Variants in FAM131B observed in about 807,000 individuals in gnomAD.
FAM131B encodes protein FAM131B.
In FAM131B, 19 loss-of-function variants were observed where a neutral mutation model predicts 42.0. That is an observed-to-expected ratio of 0.45 (90% CI 0.32 to 0.66). The LOEUF (loss-of-function observed/expected upper bound fraction) is 0.66, where lower values mean the gene tolerates loss of function less well. Among genes scored for constraint, FAM131B ranks in the 30% least tolerant of loss-of-function variants. The probability of loss-of-function intolerance (pLI) is 0.05; values close to 1 mark genes in which losing one functional copy is unlikely to be tolerated. For missense variants in FAM131B, 370 were observed against 468.4 expected, an observed-to-expected ratio of 0.79 and a Z score of 1.94; for synonymous variants, 183 against 177.6, an observed-to-expected ratio of 1.03 and a Z score of -0.24.
At chr7:143,373,348 C>T in the FAM131B span, among the ~76,000 whole-genome samples, 2 of 152,196 alleles carry the variant, frequency 1.3e-5, no homozygotes, top group African/African-American at 4.8e-5. Context: ...CACCACTGCA[C>T]TCCAGCCTGG....
At chr7:143,378,713 A>G in the FAM131B span, among the ~76,000 whole-genome samples, 1 of 151,834 alleles carries the variant, frequency 6.6e-6, no homozygotes, top group African/African-American at 2.4e-5. Context: ...AGTAGCTGGG[A>G]CTACACGCTC....
chr7:143,368,817 C>T, the FAM131B span, among the ~76,000 whole-genome samples: 1 of 152,222 alleles, frequency 6.6e-6, no homozygotes, highest in African/African-American at 2.4e-5. Context: ...ATTCCTCTTA[C>T]AAACACTTGT....
At chr7:143,364,029 T>C (rs1195320838), upstream of FAM131B, 16 of 152,160 alleles carry the variant, frequency 1.1e-4, 1 homozygote, top group Admixed American at 1.0e-3. Flanking sequence ...TGTATGTGCA[T>C]GAAGAAATAA....
At position 143,359,673 on chromosome 7, in the gene FAM131B, GAGA is replaced by G. The variant is rs895385654; in HGVS notation, c.174+56_174+58del. The G allele has an allele frequency of 2.0e-6, 3 of 1,475,730 alleles. No homozygotes were observed. In the African/African-American group the frequency reaches 4.2e-5, roughly 21 times the overall value. The allele number at this position is 1,475,730 out of a possible 1,614,324, so 91.4% of individuals were successfully genotyped here. On this transcript the variant is annotated intron_variant, in intron 3 of 6. Coordinates refer to ENST00000443739, the MANE Select transcript of FAM131B (RefSeq NM_001031690.3). The surrounding 1 kb of genome is among the most constrained non-coding windows in gnomAD (Gnocchi z 5.4). ...ACCGTGCTGGTTGGAAGGTGCAAGG[GAGA>G]AGATGAGGAGGAGGAGTTCGGGAGG...
At position 143,359,553 on chromosome 7, in the gene FAM131B, A is replaced by G; in HGVS notation, c.175-134T>C. On this transcript the variant is annotated intron_variant, in intron 3 of 6. Transcript: ENST00000443739. The surrounding 1 kb of genome is among the most constrained non-coding windows in gnomAD (Gnocchi z 5.4). ...ATGATAAGAAAAGCTACTATACCCA[A>G]GAGTCCCAAGGAGGGATATATCCCC... The G allele has an allele frequency of 1.1e-6, 1 of 934,372 alleles. No individual in the cohort carries two copies. Among genetic ancestry groups the G allele is most frequent in the Non-Finnish European group, 1.7e-6 (1 of 583,174 alleles). 57.9% of individuals were successfully genotyped at this position (934,372 alleles called of 1,614,324 possible).
rs141754890 is a variant in FAM131B at position 143,359,738 on chromosome 7, G to A, written c.168C>T (p.Gly56=). The change falls in exon 3 of 7, where the codon GGC becomes GGT. Residue 56 remains glycine (G), a synonymous_variant. Transcript: ENST00000443739. This position sits in a 1 kb window ranked among gnomAD's most constrained non-coding sequence, Gnocchi z 5.4. ...EQTRTDFSWD[G]INLSMEDTTS... is the part of the protein sequence containing the mutation. ...TGGGGGCAGCTGCACTCACGTTGAT[G>A]CCGTCCCAGGAGAAATCAGTTCGAG... 9 of 1,571,288 alleles carry A rather than the reference G, an allele frequency of 5.7e-6. No individual in the cohort carries two copies. In the Middle Eastern group the frequency reaches 9.1e-4, roughly 159 times the overall value.
chr7:143,380,590 A>T, the FAM131B span: 1 of 985,354 alleles, frequency 1.0e-6, no homozygotes, highest in Non-Finnish European at 1.2e-6. This position sits in a 1 kb window ranked among gnomAD's most constrained non-coding sequence, Gnocchi z 5.0. Context: ...CGCGGACCCG[A>T]ACGGTCCCTC....
chr7:143,380,777 C>A, the FAM131B span: 3 of 985,238 alleles, frequency 3.0e-6, no homozygotes, highest in Admixed American at 6.1e-5. The surrounding 1 kb of genome is among the most constrained non-coding windows in gnomAD (Gnocchi z 5.0). Context: ...GCTCCTCACC[C>A]CCCATCCCCG....
At chr7:143,381,490 G>A in the FAM131B span, 2 of 1,458,656 alleles carry the variant, frequency 1.4e-6, no homozygotes, top group South Asian at 2.7e-5. Context: ...GGTCACCAAG[G>A]GGAGCTGGGA....
chr7:143,362,547 C>T lies in FAM131B; in HGVS notation c.28+29G>A. The T allele has an allele frequency of 8.4e-7, 1 of 1,193,692 alleles. No homozygotes were observed. Among genetic ancestry groups the T allele is most frequent in the Non-Finnish European group, 1.0e-6 (1 of 955,718 alleles). The allele number at this position is 1,193,692 out of a possible 1,614,324, so 73.9% of individuals were successfully genotyped here. A position where few individuals can be genotyped will look rare whatever the true frequency, so the allele number is the denominator to read the frequency against. On this transcript the variant is annotated intron_variant, in intron 1 of 6. Transcript: ENST00000443739. The surrounding 1 kb of genome is among the most constrained non-coding windows in gnomAD (Gnocchi z 7.7). ...TCGGAGGGCGGCCCGGGGGGCCCAG[C>T]CCTGCCCCCGCCCGGCCGCGGTACC... is the stretch of plus-strand genomic sequence containing the variant.
At chr7:143,365,751 C>T (rs1804165952), upstream of FAM131B, among the ~76,000 whole-genome samples, 1 of 152,052 alleles carries the variant, frequency 6.6e-6, no homozygotes, top group African/African-American at 2.4e-5. Context: ...CAGACATGTG[C>T]CCCAACCCTC....
chr7:143,381,668 A>G, the FAM131B span: 3 of 1,611,594 alleles, frequency 1.9e-6, no homozygotes, highest in South Asian at 2.2e-5. Flanking sequence ...GGTGGCCCCA[A>G]AGCCCAAAGT....
In FAM131B at chr7:143,362,619, A is replaced by C. The variant is rs1297763004; in HGVS notation, c.-16T>G. ...TGCAGCCCATGGCTCCGGGGGCCGC[A>C]GAGCCGGGCCCTCACCGACTCGGGG... On this transcript the variant is annotated 5_prime_UTR_variant, in exon 1 of 7. Transcript: ENST00000443739. The surrounding 1 kb of genome is among the most constrained non-coding windows in gnomAD (Gnocchi z 7.7). 39 of 1,207,782 alleles carry C rather than the reference A, an allele frequency of 3.2e-5. No individual in the cohort carries two copies. The highest frequency in any genetic ancestry group is 4.0e-5 in the Non-Finnish European group (39 of 972,292). 74.8% of individuals were successfully genotyped at this position (1,207,782 alleles called of 1,614,324 possible).
Position 143,358,839 on chromosome 7 carries a change from G to A in FAM131B, c.454C>T (p.Arg152Cys), listed in dbSNP as rs35497614. The change falls in exon 5 of 7, where the codon CGT becomes TGT. Residue 152 changes from arginine to cysteine, a missense_variant. Coordinates refer to ENST00000443739, the MANE Select transcript of FAM131B (RefSeq NM_001031690.3). This position sits in a 1 kb window ranked among gnomAD's most constrained non-coding sequence, Gnocchi z 4.7. ...AGGGTACCTGTACCTGCTAGAAAAC[G>A]TGCCTCCTTCTCGCCATCGCTGAGG... ...SDLSDGEKEA[R>C]FLAGVMEQFA... 1.9e-6 allele frequency: 3 copies of A among 1,613,910 alleles called. No individual in the cohort carries two copies. The highest frequency in any genetic ancestry group is 1.7e-4 in the Middle Eastern group (1 of 6,060).
At chr7:143,382,004 G>A in the FAM131B span, 1 of 610,758 alleles carries the variant, frequency 1.6e-6, no homozygotes, top group Non-Finnish European at 2.8e-6. Context: ...GGAATGTGGG[G>A]CACGAATCTT....
chr7:143,377,389 T>C, the FAM131B span, among the ~76,000 whole-genome samples: 1 of 152,178 alleles, frequency 6.6e-6, no homozygotes, highest in Non-Finnish European at 1.5e-5. Flanking sequence ...CAGAATTTGA[T>C]GGTGTCATGA....
At chr7:143,379,685 T>C in the FAM131B span, 1 of 152,216 alleles carries the variant, frequency 6.6e-6, no homozygotes, top group South Asian at 2.1e-4. Flanking sequence ...CTGAGTCATA[T>C]AGCGCATACA....
In FAM131B at chr7:143,359,662, A is replaced by T. The variant is rs939635357; in HGVS notation, c.174+70T>A. 5 of 1,408,352 alleles carry T rather than the reference A, an allele frequency of 3.6e-6. No homozygotes were observed. Among genetic ancestry groups the T allele is most frequent in the Non-Finnish European group, 4.9e-6 (5 of 1,015,762 alleles). The allele number at this position is 1,408,352 out of a possible 1,614,324, so 87.2% of individuals were successfully genotyped here. A position where few individuals can be genotyped will look rare whatever the true frequency, so the allele number is the denominator to read the frequency against. ...AGCCAGGGAATACCGTGCTGGTTGG[A>T]AGGTGCAAGGGAGAAGATGAGGAGG... is the stretch of plus-strand genomic sequence containing the variant. On this transcript the variant is annotated intron_variant, in intron 3 of 6. Transcript: ENST00000443739. This position sits in a 1 kb window ranked among gnomAD's most constrained non-coding sequence, Gnocchi z 5.4.
In FAM131B at chr7:143,358,070, T is replaced by C. The variant is rs1206364533; in HGVS notation, c.467-647A>G. 6.6e-6 allele frequency among the ~76,000 whole-genome samples: 1 copy of C among 152,002 alleles called. No individual in the cohort carries two copies. The highest frequency in any genetic ancestry group is 1.9e-4 in the East Asian group (1 of 5,188). Reference sequence around the variant, plus strand: ...TTGTGGGTCCACCATAATATAAAACTGAAATTCAAGGGATTGGAAGGAAAA... The same window carrying C: ...TTGTGGGTCCACCATAATATAAAACCGAAATTCAAGGGATTGGAAGGAAAA... On this transcript the variant is annotated intron_variant, in intron 5 of 6. Transcript: ENST00000443739. This position sits in a 1 kb window ranked among gnomAD's most constrained non-coding sequence, Gnocchi z 4.7.
Sources: allele counts gnomAD v4.1 joint callset (sites outside exome capture counted in the v4.1 genomes callset), GRCh38; gene constraint gnomAD v4.1.1; non-coding constraint Gnocchi (gnomAD v3.1); transcripts MANE v1.5; gene names NCBI Gene and HGNC (gene_info 2026-07-23, HGNC 2026-07-21).